Variants in DISP1 observed in about 807,000 individuals in gnomAD.
DISP1 encodes dispatched RND transporter family member 1.
In DISP1, 30 loss-of-function variants were observed where a neutral mutation model predicts 37.3. The observed-to-expected ratio is 0.80, with a 90% CI of 0.60 to 1.09. The LOEUF (loss-of-function observed/expected upper bound fraction) is 1.09, where lower values mean the gene tolerates loss of function less well. Among genes scored for constraint, DISP1 ranks in the 50% least tolerant of loss-of-function variants. The probability of loss-of-function intolerance (pLI) is 0.00; values close to 1 mark genes in which losing one functional copy is unlikely to be tolerated. For synonymous variants in DISP1, 634 were observed against 690.2 expected (o/e 0.92, Z 1.28); for missense variants, 1,598 against 1,879.5 (o/e 0.85, Z 2.77).
intron 8 of DISP1, among the ~76,000 whole-genome samples, chr1:222,996,415 C>CT (rs1205987995): frequency 2.0e-5 from 3 of 152,162 alleles, no homozygotes; most frequent in Non-Finnish European, 4.4e-5. Flanking sequence ...ATAAATTAAG[C>CT]TAAGAGAAGC....
chr1:222,889,323 A>G (rs544320789), intron 1 of DISP1, among the ~76,000 whole-genome samples: 1 of 152,192 alleles, frequency 6.6e-6, no homozygotes, highest in Non-Finnish European at 1.5e-5. Context: ...GTTACCTTGT[A>G]TACCTTGTCT....
intron 1 of DISP1, among the ~76,000 whole-genome samples, chr1:222,817,005 G>A (rs1661412682): frequency 6.6e-6 from 1 of 152,216 alleles, no homozygotes; most frequent in African/African-American, 2.4e-5. Context: ...ATGGTTGGAG[G>A]AAGTGCTCGT....
At position 223,004,189 on chromosome 1, in the gene DISP1, A is replaced by G; in HGVS notation, c.2792A>G (p.Tyr931Cys). 1.2e-6 allele frequency: 2 copies of G among 1,614,136 alleles called. No homozygotes were observed. The highest frequency in any genetic ancestry group is 1.7e-6 in the Non-Finnish European group (2 of 1,180,028). Residue 931 changes from tyrosine (Y) to cysteine (C), a missense_variant, in exon 9 of 9, where the codon TAC becomes TGC. Tyr to Cys is a radical substitution (Grantham distance 194, BLOSUM62 -2). Transcript: ENST00000675850. This position sits in a 1 kb window ranked among gnomAD's most constrained non-coding sequence, Gnocchi z 4.9. Reference sequence around the variant, plus strand: ...GTGGTGTTAGAGTTCCAGAGTACCTACCTCTTCACACTGGCTTATGAAAAG... The same window carrying G: ...GTGGTGTTAGAGTTCCAGAGTACCTGCCTCTTCACACTGGCTTATGAAAAG... ...RAVVLEFQST[Y>C]LFTLAYEKMH...
intron 1 of DISP1, among the ~76,000 whole-genome samples, chr1:222,920,722 C>T (rs889078821): frequency 3.3e-5 from 5 of 152,000 alleles, no homozygotes; most frequent in Non-Finnish European, 7.4e-5. Flanking sequence ...AGACTTTTTT[C>T]TTCACAGAAA....
rs567073033 is a variant in DISP1 at position 222,975,997 on chromosome 1, C to T, written c.510-7083C>T. ...GCCTGCGGGAGTGTGTGGTGGGACGCGCAAATGTCATCTTTCCTTGGGCCT... is the reference window on the plus strand; with the variant it reads ...GCCTGCGGGAGTGTGTGGTGGGACGTGCAAATGTCATCTTTCCTTGGGCCT... On this transcript the variant is annotated intron_variant, in intron 3 of 8. Coordinates refer to ENST00000675850, the MANE Select transcript of DISP1 (RefSeq NM_001377229.1). Among the ~76,000 whole-genome samples, 4 of 152,058 alleles carry T rather than the reference C, an allele frequency of 2.6e-5. No homozygotes were observed. In the East Asian group the frequency reaches 5.8e-4, roughly 22 times the overall value.
chr1:223,005,254 C>T lies in DISP1; in HGVS notation c.3857C>T (p.Ser1286Phe). 1 of 1,614,046 alleles carries T rather than the reference C, an allele frequency of 6.2e-7. No individual in the cohort carries two copies. The highest frequency in any genetic ancestry group is 8.5e-7 in the Non-Finnish European group (1 of 1,180,040). Reference protein sequence around the residue: ...AYKHLNYGPHSCQQMGDCLCH... With the variant: ...AYKHLNYGPHFCQQMGDCLCH... ...AAACACTTGAACTATGGCCCACACT[C>T]TTGCCAGCAGATGGGGGACTGCTTG... Residue 1286 changes from serine to phenylalanine, a missense_variant, in exon 9 of 9, where the codon TCT (serine) becomes TTT (phenylalanine). Ser to Phe is a radical substitution (Grantham distance 155). Coordinates refer to ENST00000675850, the MANE Select transcript of DISP1 (RefSeq NM_001377229.1).
At chr1:222,949,271 G>A (rs1675036715) in intron 3 of DISP1, among the ~76,000 whole-genome samples, 1 of 152,028 alleles carries the variant, frequency 6.6e-6, no homozygotes, top group African/African-American at 2.4e-5. Context: ...GTGCGCACCT[G>A]TAGTCCCAGC....
intron 3 of DISP1, among the ~76,000 whole-genome samples, chr1:222,964,782 G>T (rs1042636560): frequency 1.3e-5 from 2 of 152,166 alleles, no homozygotes; most frequent in South Asian, 4.1e-4. Context: ...TTTTGAAAAC[G>T]CTAGTAGTAA....
intron 1 of DISP1, among the ~76,000 whole-genome samples, chr1:222,884,774 T>A (rs1202522082): frequency 1.3e-5 from 2 of 152,248 alleles, no homozygotes; most frequent in Non-Finnish European, 2.9e-5. Context: ...TCACTGATTT[T>A]AGCATCCACT....
chr1:222,879,507 A>T (rs906535119), intron 1 of DISP1, among the ~76,000 whole-genome samples: 5 of 152,182 alleles, frequency 3.3e-5, no homozygotes, highest in Non-Finnish European at 5.9e-5. Flanking sequence ...TATATAAAGA[A>T]TATTCATATA....
intron 3 of DISP1, among the ~76,000 whole-genome samples, chr1:222,952,144 G>A (rs1343909339): frequency 6.6e-6 from 1 of 152,142 alleles, no homozygotes; most frequent in Non-Finnish European, 1.5e-5. Flanking sequence ...TCTTTTGCAA[G>A]AAGGAATAGC....
intron 3 of DISP1, among the ~76,000 whole-genome samples, chr1:222,953,117 A>C (rs188316541): frequency 3.3e-5 from 5 of 152,218 alleles, no homozygotes; most frequent in African/African-American, 1.2e-4. Flanking sequence ...CTCTAGAAGC[A>C]ATCATTGTTG....
intron 7 of DISP1, among the ~76,000 whole-genome samples, chr1:222,994,296 C>T (rs1678904838): frequency 2.6e-5 from 4 of 152,144 alleles, no homozygotes; most frequent in Admixed American, 2.0e-4. Context: ...GTATATCATA[C>T]AACCTCCCTT....
intron 1 of DISP1, among the ~76,000 whole-genome samples, chr1:222,919,910 AT>A (rs879857869): frequency 6.6e-6 from 1 of 152,148 alleles, no homozygotes; most frequent in African/African-American, 2.4e-5. Flanking sequence ...ATACAACTTC[AT>A]TTTATTTTTG....
intron 1 of DISP1, among the ~76,000 whole-genome samples, chr1:222,815,435 G>A (rs1306777061): frequency 6.6e-6 from 1 of 152,084 alleles, no homozygotes; most frequent in Non-Finnish European, 1.5e-5. Context: ...TTGACTGAGA[G>A]GATGGCAGGA....
At chr1:222,982,990 G>T (rs1677948062) in intron 3 of DISP1, 90 bp from the exon 4 acceptor site, 18 of 918,802 alleles carry the variant, frequency 2.0e-5, no homozygotes, top group Non-Finnish European at 2.2e-5. Flanking sequence ...CAAGTAAAAT[G>T]TTCAACACAT....
Position 223,003,006 on chromosome 1 carries a change from A to G in DISP1, c.1609A>G (p.Ser537Gly). The G allele has an allele frequency of 6.2e-7, 1 of 1,613,948 alleles. No homozygotes were observed. The highest frequency in any genetic ancestry group is 8.5e-7 in the Non-Finnish European group (1 of 1,180,036). ...ITLMTMFAII[S>G]SLIVSYFLYR... is the part of the protein sequence containing the mutation. ...TCTGATGACAATGTTTGCAATAATC[A>G]GTTCTTTGATTGTTTCCTATTTTCT... The change falls in exon 9 of 9, where the codon AGT (serine) becomes GGT (glycine). Residue 537 changes from serine to glycine, a missense_variant. Transcript: ENST00000675850. The surrounding 1 kb of genome is among the most constrained non-coding windows in gnomAD (Gnocchi z 4.3).
intron 2 of DISP1, among the ~76,000 whole-genome samples, chr1:222,936,795 A>AAT (rs1558339816): frequency 1.4e-3 from 62 of 45,918 alleles, no homozygotes; most frequent in South Asian, 4.3e-3. Context: ...AATATATATA[A>AAT]TATATTATAT....
intron 8 of DISP1, among the ~76,000 whole-genome samples, chr1:222,997,115 A>G (rs75316711): frequency 0.013 from 1,943 of 152,126 alleles, 53 homozygotes; most frequent in African/African-American, 0.045. Context: ...GATGATAAAA[A>G]TCATCATGTT....
Sources: allele counts gnomAD v4.1 joint callset (sites outside exome capture counted in the v4.1 genomes callset), GRCh38; gene constraint gnomAD v4.1.1; non-coding constraint Gnocchi (gnomAD v3.1); transcripts MANE v1.5; gene names NCBI Gene and HGNC (gene_info 2026-07-23, HGNC 2026-07-21).